Variants in EML1 observed in about 807,000 individuals in gnomAD.
EML1 encodes the protein echinoderm microtubule-associated protein-like 1.
Under a neutral mutation model 110.4 loss-of-function variants are expected in EML1, and 27 were observed. That is an observed-to-expected ratio of 0.24 (90% confidence interval 0.18 to 0.34). The LOEUF (loss-of-function observed/expected upper bound fraction) is 0.34. Ranked by LOEUF, EML1 falls within the 10% of genes least tolerant of loss-of-function variation. The pLI is 1.00. For synonymous variants in EML1, 344 were observed against 385.8 expected (o/e 0.89, Z 1.27); for missense variants, 741 against 1,030.9 (o/e 0.72, Z 3.85).
At chr14:99,931,660 A>G (rs1242756479) in intron 17 of EML1, among the ~76,000 whole-genome samples, 1 of 152,160 alleles carries the variant, frequency 6.6e-6, no homozygotes, top group Non-Finnish European at 1.5e-5. Flanking sequence ...AGAGGAGAAC[A>G]ATTAGGGAAA....
chr14:99,906,036 A>T (rs912741597), intron 9 of EML1, among the ~76,000 whole-genome samples: 17 of 151,906 alleles, frequency 1.1e-4, no homozygotes, highest in Admixed American at 8.5e-4. Context: ...ATGTTACCAG[A>T]CCCCACCACT....
intron 2 of EML1, among the ~76,000 whole-genome samples, chr14:99,855,665 TC>T (rs1446986390): frequency 2.3e-4 from 35 of 152,376 alleles, no homozygotes; most frequent in African/African-American, 8.4e-4. Flanking sequence ...TTAGGCAGCT[TC>T]CCTTTTAAAG....
At chr14:99,823,689 A>G (rs114518577) in intron 1 of EML1, among the ~76,000 whole-genome samples, 4,716 of 152,136 alleles carry the variant, frequency 0.031, 95 homozygotes, top group Non-Finnish European at 0.041. Flanking sequence ...ACAAGTCCTC[A>G]CATTCTAGTG....
At chr14:99,811,934 G>A (rs2058087537) in intron 1 of EML1, among the ~76,000 whole-genome samples, 1 of 151,860 alleles carries the variant, frequency 6.6e-6, no homozygotes. Context: ...CAACCTCATT[G>A]TCTTCACATT....
intron 4 of EML1, among the ~76,000 whole-genome samples, chr14:99,882,371 A>G (rs1175926549): frequency 2.0e-5 from 3 of 152,194 alleles, no homozygotes; most frequent in South Asian, 2.1e-4. Flanking sequence ...AAGCATTTCA[A>G]TTATCAAACT....
intron 1 of EML1, among the ~76,000 whole-genome samples, chr14:99,813,055 T>C (rs2058107434): frequency 6.6e-6 from 1 of 152,186 alleles, no homozygotes; most frequent in Admixed American, 6.5e-5. Flanking sequence ...TGAAATGTAG[T>C]ACTCTGTTTG....
At chr14:99,804,204 T>C (rs112733830) in intron 1 of EML1, among the ~76,000 whole-genome samples, 3 of 152,182 alleles carry the variant, frequency 2.0e-5, no homozygotes, top group African/African-American at 7.2e-5. Flanking sequence ...CGTGTTCAGA[T>C]TGCATCTTGT....
rs1955466543 is a variant in EML1, at chr14:99,827,647, A to G, written c.68-23206A>G. ...TGGTGTCCTTATAAGAAGAGGAGAT[A>G]AGACTTAGACACATAGAGGGGGCAA... On this transcript the variant is annotated intron_variant, in intron 1 of 21. Coordinates refer to ENST00000262233, the MANE Select transcript of EML1 (RefSeq NM_004434.3). The surrounding 1 kb of genome is among the most constrained non-coding windows in gnomAD (Gnocchi z 4.4). 6.6e-6 allele frequency among the ~76,000 whole-genome samples: 1 copy of G among 150,492 alleles called. No individual in the cohort carries two copies. Among genetic ancestry groups the G allele is most frequent in the African/African-American group, 2.4e-5 (1 of 40,896 alleles).
chr14:99,747,239 A>G (rs1595230922), intron 1 of EML1, among the ~76,000 whole-genome samples: 2 of 151,834 alleles, frequency 1.3e-5, no homozygotes, highest in East Asian at 1.9e-4. Context: ...CACCTCTGGA[A>G]AAAAAATCAT....
intron 2 of EML1, among the ~76,000 whole-genome samples, chr14:99,856,830 C>T (rs553210992): frequency 2.6e-5 from 4 of 152,326 alleles, no homozygotes; most frequent in African/African-American, 9.6e-5. Context: ...CTGCCATTCT[C>T]ATTTATCAAT....
At chr14:99,910,129 A>G (rs1595468179) in intron 11 of EML1, 113 bp from the exon 12 acceptor site, 1 of 718,664 alleles carries the variant, frequency 1.4e-6, no homozygotes, top group Non-Finnish European at 2.2e-6. Context: ...GACACTATCC[A>G]GCTTGGGACC....
intron 1 of EML1, among the ~76,000 whole-genome samples, chr14:99,765,739 G>A (rs2057361897): frequency 6.6e-6 from 1 of 151,906 alleles, no homozygotes; most frequent in Admixed American, 6.6e-5. Context: ...CGAGTAGCTG[G>A]GATTACAGGC....
At chr14:99,906,398 A>G (rs2059846940) in intron 9 of EML1, among the ~76,000 whole-genome samples, 1 of 152,194 alleles carries the variant, frequency 6.6e-6, no homozygotes, top group African/African-American at 2.4e-5. Context: ...TGATATACTA[A>G]GTGAGGGATG....
At chr14:99,862,345 C>G (rs1479909306) in intron 2 of EML1, among the ~76,000 whole-genome samples, 1 of 152,150 alleles carries the variant, frequency 6.6e-6, no homozygotes, top group Non-Finnish European at 1.5e-5. Flanking sequence ...TCAGGTCTCT[C>G]CACTGGAAAG....
intron 4 of EML1, among the ~76,000 whole-genome samples, chr14:99,882,523 G>A (rs139647791): frequency 1.4e-4 from 21 of 152,138 alleles, no homozygotes; most frequent in African/African-American, 4.8e-4. Context: ...AAACTTTGTT[G>A]TCACATATGT....
intron 1 of EML1, among the ~76,000 whole-genome samples, chr14:99,756,488 G>A (rs2057256633): frequency 6.6e-6 from 1 of 152,216 alleles, no homozygotes; most frequent in African/African-American, 2.4e-5. Context: ...TCGGTTCCTT[G>A]GTGTTCCTGG....
intron 1 of EML1, among the ~76,000 whole-genome samples, chr14:99,803,395 T>C (rs1208902349): frequency 1.3e-5 from 2 of 152,222 alleles, no homozygotes; most frequent in Non-Finnish European, 2.9e-5. Context: ...ACGTGCATTA[T>C]ACACACATGC....
intron 3 of EML1, 70 bp downstream of exon 3, chr14:99,865,716 CT>C: frequency 2.0e-6 from 3 of 1,526,592 alleles, no homozygotes; most frequent in Non-Finnish European, 1.8e-6. Context: ...ATGAGTATTA[CT>C]TTTTAAAATG....
chr14:99,768,498 G>A (rs2057389703), upstream of EML1, among the ~76,000 whole-genome samples: 1 of 152,174 alleles, frequency 6.6e-6, no homozygotes, highest in African/African-American at 2.4e-5. Flanking sequence ...ATGGCTCACG[G>A]AACTATCAGT....
Sources: allele counts gnomAD v4.1 joint callset (sites outside exome capture counted in the v4.1 genomes callset), GRCh38; gene constraint gnomAD v4.1.1; non-coding constraint Gnocchi (gnomAD v3.1); transcripts MANE v1.5; gene names NCBI Gene and HGNC (gene_info 2026-07-23, HGNC 2026-07-21).